TIMELESS: variants seen among roughly 807,000 people sequenced by gnomAD.
TIMELESS encodes protein timeless homolog.
A neutral mutation model predicts 164.3 loss-of-function variants in TIMELESS; 124 were observed. The ratio of observed to expected loss-of-function variants is 0.75; its 90% CI spans 0.65 to 0.88. TIMELESS has a LOEUF of 0.88. TIMELESS is among the 40% of genes least tolerant of loss of function. The pLI, the probability that TIMELESS is intolerant of heterozygous loss-of-function variation, is 0.00. For synonymous variants in TIMELESS, 564 were observed against 563.4 expected (o/e 1.00, Z -0.02); for missense variants, 1,422 against 1,491.4 (o/e 0.95, Z 0.77).
Position 56,421,782 on chromosome 12 carries a change from C to T in TIMELESS, c.2670G>A (p.Thr890=), listed in dbSNP as rs567357437. 4.3e-6 allele frequency: 7 copies of T among 1,614,176 alleles called. No homozygotes were observed. In the Admixed American group the frequency reaches 5.0e-5, roughly 12 times the overall value. ...GCTGCAGCTCCAACTCCTGATCCCC[C>T]GTCCACAGTACAATATGGGTTCCTT... The part of the protein sequence containing the change: ...QRKGTHIVLW[T]GDQELELQRL... The change falls in exon 22 of 29, where the codon ACG becomes ACA. Residue 890 remains threonine, a synonymous_variant. Transcript: ENST00000553532.
At chr12:56,448,052 G>C (rs1399911404) in intron 1 of TIMELESS, among the ~76,000 whole-genome samples, 1 of 152,164 alleles carries the variant, frequency 6.6e-6, no homozygotes, top group African/African-American at 2.4e-5. Context: ...AAGGCTAACT[G>C]TGGGTGGTCA....
intron 25 of TIMELESS, 55 bp from the exon 26 acceptor site, chr12:56,420,742 C>T (rs1300388453): frequency 1.9e-6 from 3 of 1,613,236 alleles, no homozygotes; most frequent in Non-Finnish European, 2.5e-6. Flanking sequence ...ACTGGTTCTC[C>T]ATCCCATGAC....
chr12:56,426,386 T>TA (rs1881679172), intron 13 of TIMELESS, among the ~76,000 whole-genome samples: 1 of 29,026 alleles, frequency 3.4e-5, no homozygotes, highest in Admixed American at 2.1e-4. Flanking sequence ...GTACAAAATC[T>TA]TTTTTTTTTT....
At chr12:56,424,677 C>T in intron 15 of TIMELESS, 85 bp downstream of exon 15, 5 of 1,507,822 alleles carry the variant, frequency 3.3e-6, no homozygotes, top group Non-Finnish European at 4.5e-6. Context: ...AGACAACTCT[C>T]TTTTGAAGAC....
chr12:56,420,376 G>A (rs1032450020), intron 26 of TIMELESS, among the ~76,000 whole-genome samples, 193 bp downstream of exon 26: 1 of 152,010 alleles, frequency 6.6e-6, no homozygotes, highest in Admixed American at 6.6e-5. Context: ...AGGGGAAGGG[G>A]AGATTAGAGA....
At chr12:56,421,857 G>A (rs1160599398) in intron 21 of TIMELESS, 42 bp downstream of exon 21, 13 of 1,612,924 alleles carry the variant, frequency 8.1e-6, no homozygotes, top group South Asian at 1.1e-5. Context: ...AAGTGATCAC[G>A]AGTCCCCATC....
rs369083185 is a variant in TIMELESS, at chr12:56,433,347, C to T, written c.429+34G>A. On this transcript the variant is annotated intron_variant, in intron 5 of 28. Coordinates refer to ENST00000553532, the MANE Select transcript of TIMELESS (RefSeq NM_003920.5). The stretch of plus-strand genomic sequence containing the variant: ...GCCCGGAGAAGGTGCAAAATGCTGT[C>T]CCATGGTATCCTGTAAGGTGAAGAC... The T allele has an allele frequency of 3.1e-6, 5 of 1,612,244 alleles. No homozygotes were observed. The African/African-American group carries it at 6.7e-5, about 22-fold the overall frequency.
rs374533776 is a variant in TIMELESS at position 56,432,335 on chromosome 12, C to T, written c.687+34G>A. The T allele has an allele frequency of 5.4e-5, 86 of 1,593,578 alleles. No homozygotes were observed. The African/African-American group carries it at 9.4e-4, about 17-fold the overall frequency. ...GCTGTACAGCAGAAAAGTACATGGG[C>T]GGAGGGGACTCGGGCAATAGGCCAG... On this transcript the variant is annotated intron_variant, in intron 7 of 28. Coordinates refer to ENST00000553532, the MANE Select transcript of TIMELESS (RefSeq NM_003920.5).
At position 56,420,621 on chromosome 12, in the gene TIMELESS, T is replaced by C. The variant is rs1406795691; in HGVS notation, c.3176A>G (p.Gln1059Arg). 1.2e-6 allele frequency: 2 copies of C among 1,614,250 alleles called. No individual in the cohort carries two copies. Among genetic ancestry groups the C allele is most frequent in the Non-Finnish European group, 1.7e-6 (2 of 1,180,042 alleles). ...EENEEAMENE[Q>R]FQQLLRKLGV... Reference sequence around the variant, plus strand: ...TAGCTTGCGCAACAGCTGCTGAAACTGTTCGTTTTCCATGGCTTCCTCATT... The same window carrying C: ...TAGCTTGCGCAACAGCTGCTGAAACCGTTCGTTTTCCATGGCTTCCTCATT... Residue 1059 changes from glutamine (Q) to arginine (R), a missense_variant, in exon 26 of 29, where the codon CAG becomes CGG. Coordinates refer to ENST00000553532, the MANE Select transcript of TIMELESS (RefSeq NM_003920.5).
chr12:56,436,413 C>T (rs1421463819), intron 1 of TIMELESS, among the ~76,000 whole-genome samples: 1 of 152,126 alleles, frequency 6.6e-6, no homozygotes, highest in Non-Finnish European at 1.5e-5. Flanking sequence ...GAGATCACGC[C>T]ACCACACTCC....
intron 20 of TIMELESS, 25 bp from the exon 21 acceptor site, chr12:56,422,041 G>A (rs1881512108): frequency 1.9e-6 from 3 of 1,613,774 alleles, no homozygotes; most frequent in Admixed American, 3.3e-5. Flanking sequence ...GACTAAGGCA[G>A]TAAAGAAGGT....
At chr12:56,423,228 G>C in intron 18 of TIMELESS, 46 bp downstream of exon 18, 1 of 1,600,154 alleles carries the variant, frequency 6.2e-7, no homozygotes, top group Non-Finnish European at 8.5e-7. Context: ...ATTTACCTGA[G>C]GGTTCCCATA....
Position 56,433,050 on chromosome 12 carries a change from G to A in TIMELESS, c.507C>T (p.Val169=). 1 of 1,613,936 alleles carries A rather than the reference G, an allele frequency of 6.2e-7. No homozygotes were observed. The highest frequency in any genetic ancestry group is 8.5e-7 in the Non-Finnish European group (1 of 1,179,982). ...ILLLVRNILH[V]PADLDQEKKI... ...CCTTCTCCTGATCAAGGTCAGCTGG[G>A]ACATGGAGAATATTTCTGACCAGCA... The change falls in exon 6 of 29, where the codon GTC becomes GTT. Residue 169 remains valine (V), a synonymous_variant. Coordinates refer to ENST00000553532, the MANE Select transcript of TIMELESS (RefSeq NM_003920.5).
At chr12:56,432,278 A>G in intron 7 of TIMELESS, 91 bp downstream of exon 7, 6 of 1,455,228 alleles carry the variant, frequency 4.1e-6, no homozygotes, top group African/African-American at 1.4e-5. Flanking sequence ...CCTTCCCCAG[A>G]TAATGCAGCC....
Position 56,431,558 on chromosome 12 carries a change from T to C in TIMELESS, c.734A>G (p.Glu245Gly), listed in dbSNP as rs1881883665. Reference sequence around the variant, plus strand: ...CAGTTCTGCAAAATCTGCACTCCGCTCCTGAGCTAAGCGTCCCTGCCCTAC... The same window carrying C: ...CAGTTCTGCAAAATCTGCACTCCGCCCCTGAGCTAAGCGTCCCTGCCCTAC... ...AGVGQGRLAQ[E>G]RSADFAELEV... The change falls in exon 8 of 29, where the codon GAG (glutamate) becomes GGG (glycine). Residue 245 changes from glutamate (E) to glycine (G), a missense_variant. Coordinates refer to ENST00000553532, the MANE Select transcript of TIMELESS (RefSeq NM_003920.5). The C allele has an allele frequency of 6.2e-7, 1 of 1,613,846 alleles. No homozygotes were observed. Among genetic ancestry groups the C allele is most frequent in the Admixed American group, 1.7e-5 (1 of 59,956 alleles).
In TIMELESS at chr12:56,433,072, A is replaced by T; in HGVS notation, c.485T>A (p.Leu162Gln). ...TGGGACATGGAGAATATTTCTGACCAGCAGTAGGATCCGTTCAATCAGCAA... is the reference window on the plus strand; with the variant it reads ...TGGGACATGGAGAATATTTCTGACCTGCAGTAGGATCCGTTCAATCAGCAA... ...DNLLIERILL[L>Q]VRNILHVPAD... The change falls in exon 6 of 29, where the codon CTG (leucine) becomes CAG (glutamine). Residue 162 changes from leucine (L) to glutamine (Q), a missense_variant. Leu to Gln is a moderately radical substitution (Grantham distance 113). Coordinates refer to ENST00000553532, the MANE Select transcript of TIMELESS (RefSeq NM_003920.5). 5 of 1,613,840 alleles carry T rather than the reference A, an allele frequency of 3.1e-6. No homozygotes were observed. The highest frequency in any genetic ancestry group is 4.2e-6 in the Non-Finnish European group (5 of 1,179,980).
chr12:56,423,392 A>G lies in TIMELESS; in HGVS notation c.2174T>C (p.Ile725Thr), dbSNP rs1420710531. Residue 725 changes from isoleucine to threonine, a missense_variant, in exon 18 of 29, where the codon ATT becomes ACT. Physicochemically the swap from Ile to Thr is moderately conservative, Grantham distance 89. Coordinates refer to ENST00000553532, the MANE Select transcript of TIMELESS (RefSeq NM_003920.5). ...GGCCAGCCGGTGCAGCATCTTCACA[A>G]TGCAATGGTTAGTGTGGGCACTATT... is the stretch of plus-strand genomic sequence containing the variant. ...QQNSAHTNHC[I>T]VKMLHRLAHD... 3 of 1,614,012 alleles carry G rather than the reference A, an allele frequency of 1.9e-6. No homozygotes were observed. The highest frequency in any genetic ancestry group is 2.5e-6 in the Non-Finnish European group (3 of 1,180,040).
intron 6 of TIMELESS, 84 bp from the exon 7 acceptor site, chr12:56,432,608 C>A: frequency 6.5e-7 from 1 of 1,534,858 alleles, no homozygotes; most frequent in Non-Finnish European, 8.8e-7. Context: ...ATTCTTTGAC[C>A]AAGCCTCCTC....
intron 26 of TIMELESS, among the ~76,000 whole-genome samples, chr12:56,419,902 G>A (rs1012234806): frequency 6.7e-6 from 1 of 149,754 alleles, no homozygotes; most frequent in Non-Finnish European, 1.5e-5. Flanking sequence ...AGCTACTCAG[G>A]AGGCTGAGGT....
Sources: gnomAD v4.1 joint callset for allele counts (sites outside exome capture counted in the v4.1 genomes callset) on GRCh38, gnomAD v4.1.1 for gene constraint, MANE v1.5 for transcripts, NCBI Gene and HGNC (gene_info 2026-07-23, HGNC 2026-07-21) for gene names.